Variants in C10orf143 observed in about 807,000 individuals in gnomAD.
C10orf143 encodes chromosome 10 open reading frame 143.
intron 3 of C10orf143, among the ~76,000 whole-genome samples, chr10:130,052,546 C>T (rs983776695): frequency 3.9e-5 from 6 of 152,222 alleles, no homozygotes; most frequent in African/African-American, 4.8e-5. Flanking sequence ...GGAGGCTGCC[C>T]CAGCCTGCGT....
chr10:130,075,610 T>C (rs1036448190), intron 3 of C10orf143, among the ~76,000 whole-genome samples: 13 of 152,196 alleles, frequency 8.5e-5, no homozygotes, highest in Non-Finnish European at 1.5e-4. Flanking sequence ...GGAGCTGATA[T>C]GGTTCGGCTC....
chr10:130,077,218 G>A (rs146485622), intron 3 of C10orf143, among the ~76,000 whole-genome samples: 2 of 152,094 alleles, frequency 1.3e-5, no homozygotes, highest in African/African-American at 4.8e-5. Context: ...GAGGTCTACC[G>A]AGGAAGTCCT....
chr10:130,065,830 G>A lies in C10orf143; in HGVS notation c.298-1447C>T. 6.6e-6 allele frequency: 1 copy of A among 152,310 alleles called. No homozygotes were observed. The highest frequency in any genetic ancestry group is 1.5e-5 in the Non-Finnish European group (1 of 68,072). The allele number at this position is 152,310 out of a possible 1,614,324, so 9.4% of individuals were successfully genotyped here. A position where few individuals can be genotyped will look rare whatever the true frequency, so the allele number is the denominator to read the frequency against. On this transcript the variant is annotated intron_variant, in intron 3 of 3. Transcript: ENST00000637128. This position sits in a 1 kb window ranked among gnomAD's most constrained non-coding sequence, Gnocchi z 4.2. The stretch of plus-strand genomic sequence containing the variant: ...GACTCTGAACGCAGGAGCCCAGCTG[G>A]CAAATCACGGCTCTGGGCTGTGCAC...
At chr10:130,107,660 T>C (rs566765094) in intron 1 of C10orf143, 10 of 1,314,988 alleles carry the variant, frequency 7.6e-6, no homozygotes, top group African/African-American at 4.3e-5. Context: ...CGCAACTCTG[T>C]TGGAGGGTCC....
chr10:130,084,228 C>T (rs1258837030), intron 1 of C10orf143, among the ~76,000 whole-genome samples: 4 of 152,060 alleles, frequency 2.6e-5, no homozygotes, highest in Non-Finnish European at 4.4e-5. Flanking sequence ...GCAGGAGAAT[C>T]ACTTGAACAC....
intron 1 of C10orf143, among the ~76,000 whole-genome samples, chr10:130,101,886 C>A (rs953648621): frequency 1.8e-3 from 182 of 99,592 alleles, no homozygotes; most frequent in African/African-American, 5.4e-3. Flanking sequence ...AAAAAAAAAA[C>A]TTTTTCAGAA....
intron 3 of C10orf143, among the ~76,000 whole-genome samples, chr10:130,043,880 G>C (rs1457290082): frequency 6.6e-6 from 1 of 152,228 alleles, no homozygotes; most frequent in Non-Finnish European, 1.5e-5. Flanking sequence ...CCTACTTGTA[G>C]CTCGTCATGA....
chr10:130,059,777 C>G (rs1226577717), downstream of C10orf143, among the ~76,000 whole-genome samples: 1 of 152,100 alleles, frequency 6.6e-6, no homozygotes, highest in Non-Finnish European at 1.5e-5. Context: ...CTTAGGAACC[C>G]ATCAGCTTGT....
At chr10:130,057,270 A>C (rs1860807213) in intron 3 of C10orf143, among the ~76,000 whole-genome samples, 1 of 152,144 alleles carries the variant, frequency 6.6e-6, no homozygotes, top group Non-Finnish European at 1.5e-5. Context: ...TGTGTAGTTC[A>C]GCAGCATTGT....
chr10:130,096,454 A>T (rs780715539), intron 1 of C10orf143, among the ~76,000 whole-genome samples: 3 of 151,508 alleles, frequency 2.0e-5, no homozygotes, highest in Non-Finnish European at 4.4e-5. Flanking sequence ...TAAACCCAAA[A>T]GATTATAAAT....
intron 3 of C10orf143, among the ~76,000 whole-genome samples, chr10:130,049,706 A>G (rs1032844737): frequency 6.6e-6 from 1 of 152,232 alleles, no homozygotes; most frequent in Non-Finnish European, 1.5e-5. Context: ...TACCAGTGAC[A>G]GTTCTTTTGC....
intron 3 of C10orf143, among the ~76,000 whole-genome samples, chr10:130,078,523 A>G (rs1175144348): frequency 6.6e-6 from 1 of 152,208 alleles, no homozygotes; most frequent in Non-Finnish European, 1.5e-5. Context: ...TACACCATAG[A>G]ATGCAACATA....
chr10:130,062,724 A>ATTGTGGGAC (rs1860870127), downstream of C10orf143, among the ~76,000 whole-genome samples: 3 of 151,856 alleles, frequency 2.0e-5, no homozygotes, highest in African/African-American at 7.3e-5. Context: ...GCAAGTCAAT[A>ATTGTGGGAC]CTCCTTAATA....
intron 1 of C10orf143, among the ~76,000 whole-genome samples, chr10:130,103,107 T>C (rs1861585628): frequency 6.6e-6 from 1 of 151,912 alleles, no homozygotes; most frequent in Admixed American, 6.6e-5. Context: ...GCCTCCCAAG[T>C]AGCTGAGATT....
chr10:130,090,410 G>A lies in C10orf143; in HGVS notation c.70-10509C>T, dbSNP rs184067522. Reference sequence around the variant, plus strand: ...AAACTATGCTTTTCCCATGGTCTTCGCAACCCACAGACCAGGAGATTCCCT... The same window carrying A: ...AAACTATGCTTTTCCCATGGTCTTCACAACCCACAGACCAGGAGATTCCCT... On this transcript the variant is annotated intron_variant, in intron 1 of 3. Transcript: ENST00000637128. Among the ~76,000 whole-genome samples, 52 of 152,236 alleles carry A rather than the reference G, an allele frequency of 3.4e-4. No homozygotes were observed. In the East Asian group the frequency reaches 7.7e-3, roughly 23 times the overall value.
chr10:130,058,387 G>T (rs10829685), intron 3 of C10orf143, among the ~76,000 whole-genome samples: 27,516 of 151,926 alleles, frequency 0.18, 2,750 homozygotes, highest in East Asian at 0.37. Context: ...GGAGTTCTGG[G>T]GGTTAAATAT....
At chr10:130,050,080 G>A (rs547812667) in intron 3 of C10orf143, among the ~76,000 whole-genome samples, 155 of 152,326 alleles carry the variant, frequency 1.0e-3, no homozygotes, top group African/African-American at 3.3e-3. Context: ...AGCCATAATG[G>A]AAAAACGGGA....
At chr10:130,087,867 GC>G (rs1861317808) in intron 1 of C10orf143, among the ~76,000 whole-genome samples, 3 of 152,210 alleles carry the variant, frequency 2.0e-5, no homozygotes, top group Non-Finnish European at 4.4e-5. Context: ...GCTCTGCCAT[GC>G]TGGCAGCCTC....
intron 3 of C10orf143, among the ~76,000 whole-genome samples, chr10:130,071,493 G>T (rs1402273599): frequency 3.2e-4 from 48 of 152,078 alleles, no homozygotes; most frequent in Admixed American, 3.1e-3. Flanking sequence ...TTATTTACTG[G>T]ACTGATTTGC....
Sources: allele counts gnomAD v4.1 joint callset (sites outside exome capture counted in the v4.1 genomes callset), GRCh38; gene constraint gnomAD v4.1.1; non-coding constraint Gnocchi (gnomAD v3.1); transcripts MANE v1.5; gene names NCBI Gene and HGNC (gene_info 2026-07-23, HGNC 2026-07-21).